Variants in PAX5 observed in about 807,000 individuals in gnomAD.
PAX5 encodes the protein paired box 5.
In PAX5, 9 loss-of-function variants were observed where a neutral mutation model predicts 43.7. The ratio of observed to expected loss-of-function variants is 0.21; its 90% CI spans 0.12 to 0.36. The LOEUF is 0.36. PAX5 is among the 10% of genes least tolerant of loss of function. The pLI is 1.00. For missense variants in PAX5, 383 were observed against 532.7 expected (o/e 0.72, Z 2.77); for synonymous variants, 228 against 214.3 (o/e 1.06, Z -0.56).
intron 5 of PAX5, among the ~76,000 whole-genome samples, chr9:36,995,135 C>T (rs534126782): frequency 1.3e-5 from 2 of 152,228 alleles, no homozygotes; most frequent in Non-Finnish European, 2.9e-5. Context: ...CTCCTTCCTG[C>T]CCCCAAAGCC....
At chr9:36,994,883 T>C (rs774120017) in intron 5 of PAX5, among the ~76,000 whole-genome samples, 53 of 152,168 alleles carry the variant, frequency 3.5e-4, no homozygotes, top group South Asian at 8.3e-4. Flanking sequence ...AAGGAAAGCA[T>C]GGCTACCAGG....
At chr9:36,978,631 G>T (rs1302849917) in intron 5 of PAX5, among the ~76,000 whole-genome samples, 1 of 152,126 alleles carries the variant, frequency 6.6e-6, no homozygotes, top group Non-Finnish European at 1.5e-5. Context: ...CTAAAAAGAA[G>T]GTTCGTATTT....
intron 6 of PAX5, among the ~76,000 whole-genome samples, chr9:36,941,649 T>C (rs991933017): frequency 2.0e-5 from 3 of 152,168 alleles, no homozygotes; most frequent in African/African-American, 7.2e-5. Context: ...CTCCCCCTCT[T>C]TGCCTGGGCT....
chr9:37,001,505 G>A (rs1471194597), intron 5 of PAX5, among the ~76,000 whole-genome samples: 2 of 152,222 alleles, frequency 1.3e-5, no homozygotes, highest in Non-Finnish European at 2.9e-5. Context: ...CTGCTCAGGA[G>A]CAGCAGGAGC....
intron 4 of PAX5, among the ~76,000 whole-genome samples, chr9:37,004,135 C>T (rs551466310): frequency 3.0e-4 from 46 of 152,324 alleles, no homozygotes; most frequent in Admixed American, 5.9e-4. Context: ...CTAGATTTCC[C>T]CCGCCCAGAA....
At chr9:36,872,393 C>A (rs1296491927) in intron 8 of PAX5, among the ~76,000 whole-genome samples, 1 of 152,200 alleles carries the variant, frequency 6.6e-6, no homozygotes, top group Non-Finnish European at 1.5e-5. Flanking sequence ...ATAAACATCA[C>A]TGACTTAGAA....
intron 6 of PAX5, among the ~76,000 whole-genome samples, chr9:36,966,146 G>C (rs968815329): frequency 1.3e-5 from 2 of 152,222 alleles, no homozygotes; most frequent in Non-Finnish European, 2.9e-5. Flanking sequence ...CATTGTTCAC[G>C]GCCGGTGAGC....
chr9:36,879,391 G>A (rs1199069286), intron 8 of PAX5, among the ~76,000 whole-genome samples: 2 of 152,200 alleles, frequency 1.3e-5, no homozygotes, highest in African/African-American at 2.4e-5. Flanking sequence ...TCCAGTGGGG[G>A]GCTGAGAGGA....
intron 5 of PAX5, among the ~76,000 whole-genome samples, chr9:36,967,199 C>T (rs531836021): frequency 6.2e-4 from 95 of 152,262 alleles, no homozygotes; most frequent in Non-Finnish European, 8.7e-4. Context: ...ATCATGTGAC[C>T]GGTCAGTGAA....
At position 36,834,357 on chromosome 9, in the gene PAX5, T is replaced by C. The variant is rs550243584; in HGVS notation, c.*6203A>G. The C allele has an allele frequency of 8.6e-6, 2 of 233,010 alleles. No individual in the cohort carries two copies. Among genetic ancestry groups the C allele is most frequent in the African/African-American group, 4.4e-5 (2 of 45,340 alleles). 14.4% of individuals were successfully genotyped at this position (233,010 alleles called of 1,614,324 possible). A position where few individuals can be genotyped will look rare whatever the true frequency, so the allele number is the denominator to read the frequency against. On this transcript the variant is annotated 3_prime_UTR_variant, in exon 10 of 10. Transcript: ENST00000358127. ...CGAAGACAGCAGGCAAGAATTGGCA[T>C]GGGGAGACTCAGTGCTGTTTCTGAG...
intron 6 of PAX5, among the ~76,000 whole-genome samples, chr9:36,955,390 C>T (rs1426943153): frequency 6.6e-6 from 1 of 151,938 alleles, no homozygotes; most frequent in African/African-American, 2.4e-5. Context: ...ACTAATATGC[C>T]TCCAGTTTTT....
At chr9:36,992,712 G>A (rs1292587290) in intron 5 of PAX5, among the ~76,000 whole-genome samples, 1 of 152,242 alleles carries the variant, frequency 6.6e-6, no homozygotes, top group South Asian at 2.1e-4. Flanking sequence ...AAGGAGCTAA[G>A]AACAGGAGAA....
At chr9:36,947,064 A>G (rs1832588808) in intron 6 of PAX5, among the ~76,000 whole-genome samples, 1 of 152,242 alleles carries the variant, frequency 6.6e-6, no homozygotes, top group Admixed American at 6.5e-5. Context: ...TCCATGTGCT[A>G]TAATTTGACA....
Position 36,981,442 on chromosome 9 carries a change from AAAAAAC to A in PAX5, c.605-14724_605-14719del, listed in dbSNP as rs1382978509. Among the ~76,000 whole-genome samples, 31 of 150,096 alleles carry A rather than the reference AAAAAAC, an allele frequency of 2.1e-4. 1 individual carries two copies. The South Asian group carries it at 2.9e-3, about 14-fold the overall frequency. ...AATTTCACTGAAACTGGCAAAAAAA[AAAAAAC>A]AAAAAACAGGTACAAAGGAGAAGGG... On this transcript the variant is annotated intron_variant, in intron 5 of 9. Coordinates refer to ENST00000358127, the MANE Select transcript of PAX5 (RefSeq NM_016734.3).
At chr9:36,863,745 C>T (rs766721322) in intron 8 of PAX5, among the ~76,000 whole-genome samples, 13 of 152,210 alleles carry the variant, frequency 8.5e-5, no homozygotes, top group Non-Finnish European at 1.3e-4. Flanking sequence ...CAACAGCAGC[C>T]TAATGGGAGC....
intron 1 of PAX5, among the ~76,000 whole-genome samples, chr9:37,028,938 A>G (rs750422765): frequency 1.3e-5 from 2 of 152,218 alleles, no homozygotes; most frequent in Non-Finnish European, 1.5e-5. Context: ...ACAACAATCA[A>G]AGAAACTGGA....
chr9:37,019,618 T>C (rs971806404), intron 2 of PAX5, among the ~76,000 whole-genome samples: 3 of 152,202 alleles, frequency 2.0e-5, no homozygotes, highest in Non-Finnish European at 4.4e-5. Context: ...CTGACATACT[T>C]CAAAATATTT....
intron 5 of PAX5, among the ~76,000 whole-genome samples, chr9:36,998,346 A>C (rs1007714552): frequency 2.0e-5 from 3 of 152,220 alleles, no homozygotes; most frequent in Non-Finnish European, 4.4e-5. Flanking sequence ...TATTCTAGTT[A>C]GTTTGTTTGT....
intron 5 of PAX5, among the ~76,000 whole-genome samples, chr9:36,973,083 C>CGGAACGGAAAGGAAA (rs1835070933): frequency 1.7e-4 from 13 of 74,538 alleles, no homozygotes; most frequent in African/African-American, 8.8e-4. Context: ...CGGAACGGAA[C>CGGAACGGAAAGGAAA]GGAAAGGAAA....
Sources: allele counts gnomAD v4.1 joint callset (sites outside exome capture counted in the v4.1 genomes callset), GRCh38; gene constraint gnomAD v4.1.1; transcripts MANE v1.5; gene names NCBI Gene and HGNC (gene_info 2026-07-23, HGNC 2026-07-21).